Variants in CDK14 observed in about 807,000 individuals in gnomAD.
CDK14 encodes cyclin dependent kinase 14, also known as cyclin-dependent kinase 14.
A neutral mutation model predicts 60.7 loss-of-function variants in CDK14; 34 were observed. That is an observed-to-expected ratio of 0.56 (90% CI 0.43 to 0.75). The LOEUF is 0.75. Among genes scored for constraint, CDK14 ranks in the 30% least tolerant of loss-of-function variants. CDK14 has a pLI of 0.00. For synonymous variants in CDK14, 197 were observed against 203.7 expected, an observed-to-expected ratio of 0.97 and a Z score of 0.28; for missense variants, 482 against 564.1, an observed-to-expected ratio of 0.85 and a Z score of 1.47.
chr7:91,010,733 TTTCC>T (rs796565347), intron 10 of CDK14, among the ~76,000 whole-genome samples: 48 of 150,644 alleles, frequency 3.2e-4, no homozygotes, highest in African/African-American at 1.0e-3. Flanking sequence ...TTCTCCTTCT[TTTCC>T]TTCCTTCTTT....
chr7:90,747,775 A>G lies in CDK14; in HGVS notation c.464A>G (p.Lys155Arg). 1 of 1,534,092 alleles carries G rather than the reference A, an allele frequency of 6.5e-7. No homozygotes were observed. Among genetic ancestry groups the G allele is most frequent in the Non-Finnish European group, 8.8e-7 (1 of 1,140,944 alleles). Residue 155 changes from lysine to arginine, a missense_variant and splice_region_variant, in exon 4 of 15, where the codon AAG becomes AGG. Lys to Arg is a conservative substitution (Grantham distance 26). Transcript: ENST00000380050. ...GCTACAGTATACAAAGGGAAAAGCA[A>G]GTAAGTTCATTATTTTTGGAATATT... is the stretch of plus-strand genomic sequence containing the variant. Reference protein sequence around the residue: ...SYATVYKGKSKVNGKLVALKV... With the variant: ...SYATVYKGKSRVNGKLVALKV...
At chr7:91,199,951 A>G (rs1440621215) in intron 14 of CDK14, among the ~76,000 whole-genome samples, 1 of 152,246 alleles carries the variant, frequency 6.6e-6, no homozygotes, top group Non-Finnish European at 1.5e-5. Flanking sequence ...CATGATTATC[A>G]TAAATCAGAA....
intron 14 of CDK14, among the ~76,000 whole-genome samples, chr7:91,123,297 C>T (rs1478609327): frequency 1.3e-5 from 2 of 152,044 alleles, no homozygotes; most frequent in East Asian, 3.9e-4. Context: ...GCAAAAACTG[C>T]CATTTTCTGC....
chr7:91,035,906 C>T lies in CDK14; in HGVS notation c.1042-9991C>T, dbSNP rs1400490676. Reference sequence around the variant, plus strand: ...GGCCGGACTGCGGACTGCAGTGGCGCAATCTCGGCTCACTGCAAGCTCTGC... The same window carrying T: ...GGCCGGACTGCGGACTGCAGTGGCGTAATCTCGGCTCACTGCAAGCTCTGC... On this transcript the variant is annotated intron_variant, in intron 10 of 14. Coordinates refer to ENST00000380050, the MANE Select transcript of CDK14 (RefSeq NM_001287135.2). 2.1e-5 allele frequency among the ~76,000 whole-genome samples: 3 copies of T among 144,208 alleles called. No homozygotes were observed. The East Asian group carries it at 6.5e-4, about 31-fold the overall frequency. The allele number at this position is 144,208 out of a possible 152,430, so 94.6% of individuals were successfully genotyped here.
At chr7:90,705,327 C>T (rs1801873780) in intron 2 of CDK14, among the ~76,000 whole-genome samples, 1 of 151,624 alleles carries the variant, frequency 6.6e-6, no homozygotes, top group African/African-American at 2.4e-5. Flanking sequence ...CCTTCACAGG[C>T]TTTTGGTAGA....
At chr7:90,921,278 T>C (rs997377449) in intron 8 of CDK14, among the ~76,000 whole-genome samples, 1 of 152,136 alleles carries the variant, frequency 6.6e-6, no homozygotes, top group Admixed American at 6.5e-5. Flanking sequence ...TTCCTTTTGC[T>C]TGGGATGCTC....
chr7:90,691,442 G>A (rs1801550952), intron 2 of CDK14, among the ~76,000 whole-genome samples: 1 of 152,178 alleles, frequency 6.6e-6, no homozygotes, highest in Admixed American at 6.6e-5. Context: ...GGCTGCACAG[G>A]AGAATGGTGT....
At chr7:90,926,184 G>T (rs141975024) in intron 8 of CDK14, among the ~76,000 whole-genome samples, 1 of 152,142 alleles carries the variant, frequency 6.6e-6, no homozygotes, top group African/African-American at 2.4e-5. Context: ...GAAGGTAGGA[G>T]TGCTAACTGG....
chr7:91,134,991 T>C (rs1042375855), intron 14 of CDK14, among the ~76,000 whole-genome samples: 2 of 152,180 alleles, frequency 1.3e-5, no homozygotes, highest in Non-Finnish European at 2.9e-5. Flanking sequence ...CAAATATGTA[T>C]GTATTTACAT....
At chr7:90,606,430 A>G (rs552772968) in intron 2 of CDK14, among the ~76,000 whole-genome samples, 1 of 152,366 alleles carries the variant, frequency 6.6e-6, no homozygotes, top group Non-Finnish European at 1.5e-5. Flanking sequence ...CAAAAAGTGA[A>G]TAGCTCATAA....
chr7:91,156,597 C>T (rs953642405), intron 14 of CDK14, among the ~76,000 whole-genome samples: 4 of 152,176 alleles, frequency 2.6e-5, no homozygotes, highest in African/African-American at 7.2e-5. Context: ...TACTCCCCAA[C>T]CCATCCCCAA....
At chr7:90,942,525 A>C (rs1793966619) in intron 8 of CDK14, among the ~76,000 whole-genome samples, 1 of 152,190 alleles carries the variant, frequency 6.6e-6, no homozygotes, top group East Asian at 1.9e-4. Context: ...TTTAGACTTA[A>C]ATGTTACTGC....
chr7:90,799,759 G>A (rs920845764), intron 5 of CDK14, among the ~76,000 whole-genome samples: 16 of 143,700 alleles, frequency 1.1e-4, no homozygotes, highest in African/African-American at 2.3e-4. Context: ...ATACTTAAAC[G>A]TTATACTCTG....
At chr7:90,800,412 A>G (rs1788596790) in intron 5 of CDK14, among the ~76,000 whole-genome samples, 1 of 152,192 alleles carries the variant, frequency 6.6e-6, no homozygotes, top group Admixed American at 6.5e-5. Context: ...TAAATGTTAT[A>G]TGAATTATTG....
intron 12 of CDK14, among the ~76,000 whole-genome samples, chr7:91,093,777 G>A (rs149889325): frequency 6.6e-6 from 1 of 152,136 alleles, no homozygotes; most frequent in African/African-American, 2.4e-5. Flanking sequence ...ATCAACCTAG[G>A]TGCCCATCAG....
At chr7:91,201,784 G>A (rs1190951034) in intron 14 of CDK14, among the ~76,000 whole-genome samples, 1 of 152,196 alleles carries the variant, frequency 6.6e-6, no homozygotes, top group Non-Finnish European at 1.5e-5. Context: ...CTGTTTGCTT[G>A]CATTTAGCAC....
chr7:90,662,022 A>G (rs887924132), intron 2 of CDK14, among the ~76,000 whole-genome samples: 3 of 152,220 alleles, frequency 2.0e-5, no homozygotes, highest in African/African-American at 7.2e-5. Context: ...TTATATTTCA[A>G]CAAAGGAGTA....
chr7:90,637,040 C>T (rs1001253099), intron 2 of CDK14, among the ~76,000 whole-genome samples: 94 of 151,846 alleles, frequency 6.2e-4, no homozygotes, highest in African/African-American at 1.8e-3. Flanking sequence ...TCTTTATTAG[C>T]CTTGCTAGCG....
chr7:91,113,482 A>G (rs1484670866), intron 13 of CDK14, among the ~76,000 whole-genome samples: 1 of 152,174 alleles, frequency 6.6e-6, no homozygotes, highest in African/African-American at 2.4e-5. Context: ...GTGAAACAGA[A>G]TTCTTGTGAA....
Sources: allele counts gnomAD v4.1 joint callset (sites outside exome capture counted in the v4.1 genomes callset), GRCh38; gene constraint gnomAD v4.1.1; transcripts MANE v1.5; gene names NCBI Gene and HGNC (gene_info 2026-07-23, HGNC 2026-07-21).